Variants in FSTL5 observed in about 807,000 individuals in gnomAD.
The protein encoded by FSTL5 is follistatin like 5, also known as follistatin-related protein 5.
In FSTL5, 62 loss-of-function variants were observed where a neutral mutation model predicts 89.1. That is an observed-to-expected ratio of 0.70 (90% confidence interval 0.57 to 0.86). The LOEUF (loss-of-function observed/expected upper bound fraction) is 0.86, where lower values mean the gene tolerates loss of function less well. FSTL5 is among the 40% of genes least tolerant of loss of function. The probability of loss-of-function intolerance (pLI) is 0.00; values close to 1 mark genes in which losing one functional copy is unlikely to be tolerated. For missense variants in FSTL5, 1,057 were observed against 1,001.6 expected, an observed-to-expected ratio of 1.06 and a Z score of -0.75; for synonymous variants, 383 against 346.2, an observed-to-expected ratio of 1.11 and a Z score of -1.18.
At chr4:162,088,625 T>C (rs1730416587) in intron 2 of FSTL5, among the ~76,000 whole-genome samples, 1 of 152,126 alleles carries the variant, frequency 6.6e-6, no homozygotes, top group African/African-American at 2.4e-5. Context: ...GTAAGTTAGC[T>C]ACTTAAGAGA....
At chr4:162,036,998 G>A (rs1237185622) in intron 2 of FSTL5, among the ~76,000 whole-genome samples, 1 of 151,754 alleles carries the variant, frequency 6.6e-6, no homozygotes. Context: ...AAAGTCCATA[G>A]ATATTATGTT....
At chr4:161,879,811 A>G (rs1005001330) in intron 4 of FSTL5, among the ~76,000 whole-genome samples, 1 of 152,184 alleles carries the variant, frequency 6.6e-6, no homozygotes, top group Non-Finnish European at 1.5e-5. Flanking sequence ...ACACTTCCCT[A>G]TCACTTCCCC....
At chr4:161,570,057 T>C (rs1732955169) in intron 8 of FSTL5, among the ~76,000 whole-genome samples, 1 of 152,184 alleles carries the variant, frequency 6.6e-6, no homozygotes, top group Admixed American at 6.5e-5. Context: ...ATACCCTTGT[T>C]TTTTTGTAAC....
rs72981131 is a variant in FSTL5 at position 161,868,181 on chromosome 4, C to T, written c.409+52223G>A. On this transcript the variant is annotated intron_variant, in intron 4 of 15. Transcript: ENST00000306100. ...AAATTAGGGAAATAAATAAACATAGCTTTGAAATGAAATAGAAATACTTGT... is the reference window on the plus strand; with the variant it reads ...AAATTAGGGAAATAAATAAACATAGTTTTGAAATGAAATAGAAATACTTGT... 5.9e-3 allele frequency among the ~76,000 whole-genome samples: 891 copies of T among 152,180 alleles called. 10 individuals are homozygous for T. The highest frequency in any genetic ancestry group is 0.02 in the African/African-American group (840 of 41,532).
chr4:161,658,967 G>A (rs918378948), intron 6 of FSTL5, among the ~76,000 whole-genome samples: 1 of 152,096 alleles, frequency 6.6e-6, no homozygotes, highest in African/African-American at 2.4e-5. Flanking sequence ...TCTGTTATTA[G>A]GTCCCAGGCC....
At chr4:161,668,076 T>A (rs1452504950) in intron 6 of FSTL5, among the ~76,000 whole-genome samples, 1 of 150,886 alleles carries the variant, frequency 6.6e-6, no homozygotes, top group Non-Finnish European at 1.5e-5. Context: ...ATACAGAAAA[T>A]CAATGAAAAC....
chr4:162,019,335 T>A (rs1302666137), intron 3 of FSTL5, among the ~76,000 whole-genome samples: 1 of 152,082 alleles, frequency 6.6e-6, no homozygotes. Flanking sequence ...TACTTCCAGA[T>A]TTGCAACCTC....
At chr4:161,749,166 A>T (rs528160379) in intron 6 of FSTL5, among the ~76,000 whole-genome samples, 10 of 152,268 alleles carry the variant, frequency 6.6e-5, no homozygotes, top group Non-Finnish European at 8.8e-5. Flanking sequence ...CATCAACCCC[A>T]CTACTGGGTA....
At chr4:162,017,207 C>T (rs1431670222) in intron 3 of FSTL5, among the ~76,000 whole-genome samples, 2 of 152,150 alleles carry the variant, frequency 1.3e-5, no homozygotes, top group Non-Finnish European at 2.9e-5. Context: ...GGTGTGCAGA[C>T]CACATAACAG....
At chr4:161,415,752 C>CATAT (rs201934926) in intron 15 of FSTL5, among the ~76,000 whole-genome samples, 3 of 144,196 alleles carry the variant, frequency 2.1e-5, no homozygotes, top group African/African-American at 7.6e-5. Flanking sequence ...TATATATACA[C>CATAT]ATATATATCA....
intron 6 of FSTL5, among the ~76,000 whole-genome samples, chr4:161,708,019 T>C (rs868177328): frequency 1.3e-5 from 2 of 152,022 alleles, no homozygotes; most frequent in Non-Finnish European, 2.9e-5. Context: ...TTACAGATTG[T>C]AGAACATTCT....
At chr4:162,153,553 T>C (rs1733311358) in intron 1 of FSTL5, among the ~76,000 whole-genome samples, 1 of 148,076 alleles carries the variant, frequency 6.8e-6, no homozygotes, top group Admixed American at 6.9e-5. Context: ...GTATTTAATA[T>C]ATTTATTGAA....
chr4:162,023,237 A>AT (rs1279815422), intron 3 of FSTL5, among the ~76,000 whole-genome samples: 1 of 152,088 alleles, frequency 6.6e-6, no homozygotes, highest in Non-Finnish European at 1.5e-5. Context: ...GGAAGAAACG[A>AT]TTTTTTAATT....
At chr4:162,052,686 A>G (rs748355609) in intron 2 of FSTL5, among the ~76,000 whole-genome samples, 1 of 151,830 alleles carries the variant, frequency 6.6e-6, no homozygotes, top group Non-Finnish European at 1.5e-5. Flanking sequence ...AAGATCTCCA[A>G]GAATACAGTG....
chr4:161,457,612 G>A (rs1733405200), intron 14 of FSTL5, among the ~76,000 whole-genome samples: 1 of 151,566 alleles, frequency 6.6e-6, no homozygotes, highest in African/African-American at 2.4e-5. Context: ...GAAGAAAATT[G>A]TATAATAAAA....
At chr4:162,105,636 T>A (rs1272601996) in intron 2 of FSTL5, among the ~76,000 whole-genome samples, 11 of 151,970 alleles carry the variant, frequency 7.2e-5, no homozygotes, top group Non-Finnish European at 1.6e-4. Flanking sequence ...ATTAGAAAAA[T>A]TATGAGATTT....
chr4:161,804,850 G>A (rs2126832957), intron 4 of FSTL5, among the ~76,000 whole-genome samples: 1 of 152,064 alleles, frequency 6.6e-6, no homozygotes, highest in Non-Finnish European at 1.5e-5. Flanking sequence ...TGGCCAATAA[G>A]ATCCTTAAGG....
chr4:161,669,736 C>A (rs1737030827), intron 6 of FSTL5, among the ~76,000 whole-genome samples: 1 of 151,978 alleles, frequency 6.6e-6, no homozygotes, highest in African/African-American at 2.4e-5. Context: ...TTGGTGATGA[C>A]CATATTTTAC....
chr4:161,451,989 C>T lies in FSTL5; in HGVS notation c.1841+3015G>A, dbSNP rs143742052. On this transcript the variant is annotated intron_variant, in intron 15 of 15. Transcript: ENST00000306100. ...TAAGTGTACCAGCATGAGAGAAAAG[C>T]AGATTAATGTGATGTAGAGTCAGAG... Among the ~76,000 whole-genome samples, 1,104 of 152,230 alleles carry T rather than the reference C, an allele frequency of 7.3e-3. 8 individuals carry two copies. The highest frequency in any genetic ancestry group is 0.025 in the African/African-American group (1,030 of 41,518).
Sources: allele counts gnomAD v4.1 joint callset (sites outside exome capture counted in the v4.1 genomes callset), GRCh38; gene constraint gnomAD v4.1.1; transcripts MANE v1.5; gene names NCBI Gene and HGNC (gene_info 2026-07-23, HGNC 2026-07-21).